The following AGL variants were observed in gnomAD, a reference collection of about 807,000 sequenced individuals.
AGL encodes amylo-alpha-1,6-glucosidase and 4-alpha-glucanotransferase.
In AGL, 128 loss-of-function variants were observed where a neutral mutation model predicts 199.3. The observed-to-expected ratio is 0.64, with a 90% CI of 0.56 to 0.74. AGL has a LOEUF of 0.74. AGL is among the 30% of genes least tolerant of loss of function. The pLI, the probability that AGL is intolerant of heterozygous loss-of-function variation, is 0.00. For synonymous variants in AGL, 584 were observed against 594.7 expected (o/e 0.98, Z 0.26); for missense variants, 1,809 against 1,820.8 (o/e 0.99, Z 0.12).
chr1:99,898,049 CTTT>C (rs34959224), intron 25 of AGL, among the ~76,000 whole-genome samples: 4 of 142,528 alleles, frequency 2.8e-5, no homozygotes, highest in Non-Finnish European at 4.6e-5. Flanking sequence ...TAGCTTTTAC[CTTT>C]TTTTTTTTTT....
At position 99,863,238 on chromosome 1, in the gene AGL, C is replaced by CAT. The variant is rs905304761; in HGVS notation, c.460+818_460+819dup. 1.2e-4 allele frequency among the ~76,000 whole-genome samples: 18 copies of CAT among 151,184 alleles called. 1 individual carries two copies. Among genetic ancestry groups the CAT allele is most frequent in the Admixed American group, 1.1e-3 (17 of 15,216 alleles). On this transcript the variant is annotated intron_variant, in intron 4 of 33. Transcript: ENST00000361915. Reference sequence around the variant, plus strand: ...TAGGCATGAGCTGCTGTGCTTGGCCCATATTACATTTTTGATACTTAACCA... The same window carrying CAT: ...TAGGCATGAGCTGCTGTGCTTGGCCCATATATTACATTTTTGATACTTAACCA...
At chr1:99,893,508 T>C (rs1291888938) in intron 24 of AGL, among the ~76,000 whole-genome samples, 1 of 152,220 alleles carries the variant, frequency 6.6e-6, no homozygotes, top group African/African-American at 2.4e-5. Flanking sequence ...ACCTTAGCCA[T>C]AGGGGCAAAG....
intron 9 of AGL, 30 bp downstream of exon 9, chr1:99,875,286 C>G: frequency 6.2e-7 from 1 of 1,611,774 alleles, no homozygotes. Context: ...TGCTGCTTTT[C>G]CTTGCATCTT....
intron 21 of AGL, 142 bp downstream of exon 21, chr1:99,888,250 T>C: frequency 9.7e-7 from 1 of 1,032,646 alleles, no homozygotes. Context: ...AATTGACCTT[T>C]GGCAAGTAAT....
At position 99,911,220 on chromosome 1, in the gene AGL, A is replaced by G. The variant is rs961884144; in HGVS notation, c.3836+373A>G. 1.8e-4 allele frequency among the ~76,000 whole-genome samples: 28 copies of G among 152,292 alleles called. 1 individual carries two copies. The South Asian group carries it at 2.3e-3, about 12-fold the overall frequency. ...AACCAGTTGTTCTGTCTTTTATGCA[A>G]TTCTTTCACTTTCTGAACCTTTTTT... On this transcript the variant is annotated intron_variant, in intron 28 of 33. Transcript: ENST00000361915.
intron 15 of AGL, 56 bp downstream of exon 15, chr1:99,881,233 T>C (rs1001911244): frequency 8.1e-6 from 13 of 1,613,400 alleles, no homozygotes; most frequent in Non-Finnish European, 1.1e-5. Context: ...TGGGCATTTT[T>C]ATTAAAAAAA....
intron 10 of AGL, 64 bp from the exon 11 acceptor site, chr1:99,876,394 C>T: frequency 7.9e-7 from 1 of 1,264,534 alleles, no homozygotes. Flanking sequence ...TTTAATATTG[C>T]AAATTTATAT....
intron 25 of AGL, among the ~76,000 whole-genome samples, chr1:99,897,679 ATCAGCAT>A (rs1653440195): frequency 6.6e-6 from 1 of 152,230 alleles, no homozygotes; most frequent in Non-Finnish European, 1.5e-5. Flanking sequence ...GAAATGGAAC[ATCAGCAT>A]TCAGCATAGT....
At chr1:99,856,851 A>C (rs563339544) in intron 2 of AGL, among the ~76,000 whole-genome samples, 1 of 152,356 alleles carries the variant, frequency 6.6e-6, no homozygotes, top group Non-Finnish European at 1.5e-5. Context: ...TTCTACACAG[A>C]CACAGCAACA....
intron 2 of AGL, among the ~76,000 whole-genome samples, chr1:99,858,732 T>G (rs1649781860): frequency 6.6e-6 from 1 of 152,130 alleles, no homozygotes; most frequent in African/African-American, 2.4e-5. Flanking sequence ...ATAATGAAAT[T>G]TATTTAGTTA....
At chr1:99,873,622 T>G (rs575192892) in intron 7 of AGL, among the ~76,000 whole-genome samples, 3 of 152,218 alleles carry the variant, frequency 2.0e-5, no homozygotes, top group African/African-American at 4.8e-5. Context: ...TTAGTAGAGA[T>G]GGAGTTTCTC....
chr1:99,919,772 T>C (rs1394188922), intron 33 of AGL, among the ~76,000 whole-genome samples: 1 of 152,174 alleles, frequency 6.6e-6, no homozygotes, highest in Non-Finnish European at 1.5e-5. Flanking sequence ...CACCACCACA[T>C]AGAGTCTGCT....
intron 29 of AGL, 101 bp from the exon 30 acceptor site, chr1:99,913,426 T>G (rs1384887756): frequency 4.0e-6 from 4 of 989,306 alleles, no homozygotes; most frequent in Admixed American, 2.1e-5. Context: ...TTTATTGCCT[T>G]GTAGTAGATA....
At position 99,875,342 on chromosome 1, in the gene AGL, A is replaced by AT; in HGVS notation, c.1186-13dup. ...TTGAGGATGGTGATGATCTAACACAATTTAATGTTTTTCAGGCAGTTAATT... is the reference window on the plus strand; with the variant it reads ...TTGAGGATGGTGATGATCTAACACAATTTTAATGTTTTTCAGGCAGTTAATT... On this transcript the variant is annotated splice_polypyrimidine_tract_variant and intron_variant, in intron 9 of 33. Coordinates refer to ENST00000361915, the MANE Select transcript of AGL (RefSeq NM_000642.3). The AT allele has an allele frequency of 6.2e-7, 1 of 1,613,852 alleles. No individual in the cohort carries two copies. Among genetic ancestry groups the AT allele is most frequent in the Non-Finnish European group, 8.5e-7 (1 of 1,179,798 alleles).
rs764738143 is a variant in AGL at position 99,850,990 on chromosome 1, CTG to C, written c.-50_-49del. 1 of 1,421,654 alleles carries C rather than the reference CTG, an allele frequency of 7.0e-7. No individual in the cohort carries two copies. The highest frequency in any genetic ancestry group is 9.9e-7 in the Non-Finnish European group (1 of 1,005,356). 88.1% of individuals were successfully genotyped at this position (1,421,654 alleles called of 1,614,324 possible). ...TGTTTCATAGGGGTAACTCATTCGA[CTG>C]TGGAGTTCTTTTAATTCTTATGAAA... On this transcript the variant is annotated 5_prime_UTR_variant, in exon 2 of 34. Coordinates refer to ENST00000361915, the MANE Select transcript of AGL (RefSeq NM_000642.3).
chr1:99,902,895 A>G (rs1179770840), intron 27 of AGL, 101 bp downstream of exon 27: 11 of 884,652 alleles, frequency 1.2e-5, no homozygotes, highest in Admixed American at 2.1e-5. Context: ...ACCTCACGAT[A>G]TAATGATTAA....
chr1:99,884,359 TAAAC>T lies in AGL; in HGVS notation c.2457_2460del (p.Gln820LeufsTer15), dbSNP rs1553187237. On this transcript the variant is annotated frameshift_variant, in exon 19 of 34. Coordinates refer to ENST00000361915, the MANE Select transcript of AGL (RefSeq NM_000642.3). LOFTEE classifies it high-confidence loss of function. ...TCAAGCTTAATGAAAGTAAAATTGT[TAAAC>T]AAGCTGGAGTTGCCACAAAAGGGCC... The T allele has an allele frequency of 1.9e-6, 3 of 1,613,328 alleles. No homozygotes were observed. The African/African-American group carries it at 4.0e-5, about 22-fold the overall frequency.
At chr1:99,904,799 C>A (rs1172949309) in intron 27 of AGL, among the ~76,000 whole-genome samples, 4 of 152,130 alleles carry the variant, frequency 2.6e-5, no homozygotes, top group African/African-American at 9.7e-5. Flanking sequence ...ATAGTTTATT[C>A]CTTTTTATTG....
At chr1:99,853,097 G>T (rs1172141523) in intron 2 of AGL, among the ~76,000 whole-genome samples, 1 of 152,048 alleles carries the variant, frequency 6.6e-6, no homozygotes, top group East Asian at 1.9e-4. Flanking sequence ...ATCTCTGATT[G>T]CCTGTCTATT....
Sources: allele counts gnomAD v4.1 joint callset (sites outside exome capture counted in the v4.1 genomes callset), GRCh38; gene constraint gnomAD v4.1.1; transcripts MANE v1.5; gene names NCBI Gene and HGNC (gene_info 2026-07-23, HGNC 2026-07-21).